The following RASSF5 variants were observed in gnomAD, a reference collection of about 807,000 sequenced individuals.
RASSF5 encodes the protein Ras association domain family member 5.
In RASSF5, 25 loss-of-function variants were observed where a neutral mutation model predicts 40.5. The observed-to-expected ratio is 0.62, with a 90% confidence interval of 0.45 to 0.86. RASSF5 has a LOEUF of 0.86. RASSF5 is among the 40% of genes least tolerant of loss of function. The pLI, the probability that RASSF5 is intolerant of heterozygous loss-of-function variation, is 0.00. For synonymous variants in RASSF5, 246 were observed against 252.4 expected, an observed-to-expected ratio of 0.97 and a Z score of 0.24; for missense variants, 521 against 572.8, an observed-to-expected ratio of 0.91 and a Z score of 0.92.
At position 206,584,897 on chromosome 1, in the gene RASSF5, C is replaced by T. The variant is rs1334318199; in HGVS notation, c.988+213C>T. ...GCATGTGACTTCAGGAAAACCACAC[C>T]CTAGGCTCCCATTTCCTGATCTGTG... On this transcript the variant is annotated intron_variant, in intron 4 of 5. Coordinates refer to ENST00000579436, the MANE Select transcript of RASSF5 (RefSeq NM_182663.4). The surrounding 1 kb of genome is among the most constrained non-coding windows in gnomAD (Gnocchi z 4.9). 10 of 605,242 alleles carry T rather than the reference C, an allele frequency of 1.7e-5. No individual in the cohort carries two copies. Among genetic ancestry groups the T allele is most frequent in the Non-Finnish European group, 2.6e-5 (9 of 343,124 alleles). 37.5% of individuals were successfully genotyped at this position (605,242 alleles called of 1,614,324 possible).
intron 1 of RASSF5, among the ~76,000 whole-genome samples, chr1:206,521,545 C>A (rs541724070): frequency 6.6e-6 from 1 of 152,312 alleles, no homozygotes; most frequent in East Asian, 1.9e-4. Flanking sequence ...TTGCAGTTTG[C>A]ATATGCCCAG....
intron 1 of RASSF5, among the ~76,000 whole-genome samples, chr1:206,512,266 G>C (rs902133180): frequency 2.2e-4 from 33 of 152,184 alleles, no homozygotes; most frequent in Non-Finnish European, 2.5e-4. Context: ...AAAGGACCTG[G>C]AATGCTTTCA....
At chr1:206,536,719 A>G (rs1179993692) in intron 1 of RASSF5, among the ~76,000 whole-genome samples, 48 of 152,232 alleles carry the variant, frequency 3.2e-4, no homozygotes, top group Admixed American at 3.1e-3. Context: ...AGCCCTTATC[A>G]ACAAAAAGTG....
At chr1:206,559,913 G>A (rs899926409) in intron 2 of RASSF5, among the ~76,000 whole-genome samples, 7 of 152,224 alleles carry the variant, frequency 4.6e-5, no homozygotes, top group Middle Eastern at 3.4e-3. Context: ...CTGGGGACGC[G>A]TCCTCCAAAG....
chr1:206,572,210 T>C (rs1303792499), intron 2 of RASSF5, among the ~76,000 whole-genome samples: 1 of 152,192 alleles, frequency 6.6e-6, no homozygotes, highest in Non-Finnish European at 1.5e-5. Context: ...TTGTGTTTTC[T>C]TCAACGCATG....
At position 206,563,193 on chromosome 1, in the gene RASSF5, C is replaced by T. The variant is rs560507847; in HGVS notation, c.580-20076C>T. 7.2e-4 allele frequency among the ~76,000 whole-genome samples: 109 copies of T among 152,212 alleles called. 2 individuals carry two copies. The South Asian group carries it at 8.1e-3, about 11-fold the overall frequency. On this transcript the variant is annotated intron_variant, in intron 2 of 5. Coordinates refer to ENST00000579436, the MANE Select transcript of RASSF5 (RefSeq NM_182663.4). ...CATTGGCTGGAACTCAGTCACGTGGCCACACCTAACCACAGGGGAGGTTGG... is the reference window on the plus strand; with the variant it reads ...CATTGGCTGGAACTCAGTCACGTGGTCACACCTAACCACAGGGGAGGTTGG...
intron 2 of RASSF5, among the ~76,000 whole-genome samples, chr1:206,569,098 C>T (rs1309303911): frequency 6.6e-6 from 1 of 152,252 alleles, no homozygotes; most frequent in Admixed American, 6.5e-5. Flanking sequence ...GGCAGAGCTT[C>T]CGCTTGGCCC....
Position 206,583,281 on chromosome 1 carries a change from C to T in RASSF5, c.592C>T (p.Pro198Ser). 6.2e-7 allele frequency: 1 copy of T among 1,610,738 alleles called. No individual in the cohort carries two copies. The highest frequency in any genetic ancestry group is 8.5e-7 in the Non-Finnish European group (1 of 1,177,056). The change falls in exon 3 of 6, where the codon CCT becomes TCT. Residue 198 changes from proline to serine, a missense_variant. Around this residue, in one of 2 missense-constraint regions of RASSF5, gnomAD observed 284 missense variants for 360.8 expected, o/e 0.79. Coordinates refer to ENST00000579436, the MANE Select transcript of RASSF5 (RefSeq NM_182663.4). ...GTGTCTCTTCCAGAATGTCTGTAAA[C>T]CTGTGGAGGAGACACAGCGCCCGCC... ...TVTFSQNVCK[P>S]VEETQRPPTL...
intron 2 of RASSF5, among the ~76,000 whole-genome samples, chr1:206,570,780 A>AT (rs1668426415): frequency 6.6e-6 from 1 of 152,044 alleles, no homozygotes; most frequent in African/African-American, 2.4e-5. Flanking sequence ...GACACAACAC[A>AT]TTTTTTGTTT....
At chr1:206,516,775 T>A (rs1214086206) in intron 1 of RASSF5, among the ~76,000 whole-genome samples, 5 of 152,088 alleles carry the variant, frequency 3.3e-5, no homozygotes, top group South Asian at 2.1e-4. Context: ...TATTTTAAAG[T>A]TCCCCCAGCA....
rs1669062513 is a variant in RASSF5, at chr1:206,585,197, T to C, written c.1006T>C (p.Ser336Pro). The change falls in exon 5 of 6, where the codon TCC becomes CCC. Residue 336 changes from serine (S) to proline (P), a missense_variant. Around this residue, in one of 2 missense-constraint regions of RASSF5, gnomAD observed 284 missense variants for 360.8 expected, o/e 0.79. Transcript: ENST00000579436. ...KDGQVLFQKLSIADRPLYLRL... is the reference protein window; with the variant it reads ...KDGQVLFQKLPIADRPLYLRL... Reference sequence around the variant, plus strand: ...GTTTGCAGTGCTCTTCCAGAAACTCTCCATTGCTGACCGCCCCCTCTACCT... The same window carrying C: ...GTTTGCAGTGCTCTTCCAGAAACTCCCCATTGCTGACCGCCCCCTCTACCT... 3 of 1,613,890 alleles carry C rather than the reference T, an allele frequency of 1.9e-6. No individual in the cohort carries two copies. The highest frequency in any genetic ancestry group is 3.3e-5 in the Admixed American group (2 of 59,992).
chr1:206,523,680 T>TAATATATTTATATATAATATATA (rs1666986732), intron 1 of RASSF5, among the ~76,000 whole-genome samples: 3 of 94,492 alleles, frequency 3.2e-5, no homozygotes, highest in African/African-American at 4.5e-5. Flanking sequence ...ATATTATATA[T>TAATATATTTATATATAATATATA]AAATATATTA....
chr1:206,547,446 G>A (rs1476256136), intron 2 of RASSF5, among the ~76,000 whole-genome samples: 1 of 151,876 alleles, frequency 6.6e-6, no homozygotes, highest in Non-Finnish European at 1.5e-5. Flanking sequence ...CGCATGCGAG[G>A]GATCTAGGTT....
intron 2 of RASSF5, among the ~76,000 whole-genome samples, chr1:206,551,416 C>T (rs1361522780): frequency 2.0e-5 from 3 of 152,310 alleles, no homozygotes; most frequent in East Asian, 3.9e-4. Context: ...CTGGCTAGGC[C>T]GTCCCATCTG....
chr1:206,509,896 C>G (rs1235774124), intron 1 of RASSF5, among the ~76,000 whole-genome samples: 1 of 152,114 alleles, frequency 6.6e-6, no homozygotes, highest in African/African-American at 2.4e-5. Context: ...GGCCCCCGGG[C>G]AGTACCTCTG....
chr1:206,586,544 G>A (rs1371303223), intron 5 of RASSF5: 6 of 298,426 alleles, frequency 2.0e-5, no homozygotes, highest in Admixed American at 4.9e-5. Flanking sequence ...TCAAGATCTC[G>A]GCTGCTACAC....
chr1:206,568,935 C>T (rs7555149), intron 2 of RASSF5, among the ~76,000 whole-genome samples: 38,662 of 152,104 alleles, frequency 0.25, 5,654 homozygotes, highest in Non-Finnish European at 0.32. Flanking sequence ...AAGAGTGTGC[C>T]GTGACTCTAT....
chr1:206,555,721 G>A (rs938485558), intron 2 of RASSF5, among the ~76,000 whole-genome samples: 1 of 152,212 alleles, frequency 6.6e-6, no homozygotes, highest in Non-Finnish European at 1.5e-5. Flanking sequence ...GCGGCCAGCC[G>A]GCTGGGGTGC....
chr1:206,509,973 T>C (rs1240497542), intron 1 of RASSF5, among the ~76,000 whole-genome samples: 1 of 152,116 alleles, frequency 6.6e-6, no homozygotes, highest in Admixed American at 6.6e-5. Context: ...ACAGAGTTGG[T>C]TTAATGCTAA....
Sources: gnomAD v4.1 joint callset for allele counts (sites outside exome capture counted in the v4.1 genomes callset) on GRCh38, gnomAD v4.1.1 for gene constraint, gnomAD v4.1.1 regional missense constraint, Gnocchi (gnomAD v3.1) non-coding constraint, MANE v1.5 for transcripts, NCBI Gene and HGNC (gene_info 2026-07-23, HGNC 2026-07-21) for gene names.